The following PHAF1 variants were observed in gnomAD, a reference collection of about 807,000 sequenced individuals.
PHAF1 encodes phagosome assembly factor 1.
Under a neutral mutation model 63.1 loss-of-function variants are expected in PHAF1, and 23 were observed. The ratio of observed to expected loss-of-function variants is 0.36; its 90% CI spans 0.26 to 0.52. PHAF1 has a LOEUF of 0.52. Among genes scored for constraint, PHAF1 ranks in the 20% least tolerant of loss-of-function variants. The pLI is 0.93. For synonymous variants in PHAF1, 167 were observed against 185.0 expected (o/e 0.90, Z 0.79); for missense variants, 427 against 517.2 (o/e 0.83, Z 1.69).
Position 67,144,330 on chromosome 16 carries a change from A to C in PHAF1, c.916A>C (p.Lys306Gln). The change falls in exon 11 of 16, where the codon AAG becomes CAG. Residue 306 changes from lysine to glutamine, a missense_variant. Coordinates refer to ENST00000219139, the MANE Select transcript of PHAF1 (RefSeq NM_025187.5). Reference sequence around the variant, plus strand: ...TGATGCGAATACACACAAAGTGAAGAAGTTTGTTCTACACACCAATTACCC... The same window carrying C: ...TGATGCGAATACACACAAAGTGAAGCAGTTTGTTCTACACACCAATTACCC... ...LFDANTHKVK[K>Q]FVLHTNYPGH... 1 of 1,612,438 alleles carries C rather than the reference A, an allele frequency of 6.2e-7. No homozygotes were observed. The highest frequency in any genetic ancestry group is 8.5e-7 in the Non-Finnish European group (1 of 1,178,466).
intron 8 of PHAF1, chr16:67,136,325 G>C (rs1963605728): frequency 6.6e-6 from 1 of 151,420 alleles, no homozygotes; most frequent in South Asian, 2.1e-4. Flanking sequence ...AAAAAAAAGA[G>C]TGCCACCTTC....
intron 3 of PHAF1, among the ~76,000 whole-genome samples, chr16:67,126,809 C>T (rs1212205893): frequency 1.3e-5 from 2 of 151,030 alleles, no homozygotes. Context: ...AGGCTGTTTT[C>T]GAACTCCTGA....
At chr16:67,138,896 G>A (rs1397419778) in intron 8 of PHAF1, among the ~76,000 whole-genome samples, 1 of 152,056 alleles carries the variant, frequency 6.6e-6, no homozygotes, top group Non-Finnish European at 1.5e-5. Flanking sequence ...AGTGTCTCTG[G>A]TTAGGGGTTA....
At chr16:67,118,279 C>T (rs1254587587) in intron 1 of PHAF1, among the ~76,000 whole-genome samples, 7 of 146,658 alleles carry the variant, frequency 4.8e-5, no homozygotes, top group Non-Finnish European at 1.0e-4. Flanking sequence ...GGCTGCCTAG[C>T]TAATTTTTTT....
rs1962913259 is a variant in PHAF1 at position 67,120,136 on chromosome 16, C to T, written c.89C>T (p.Ala30Val). The stretch of plus-strand genomic sequence containing the variant: ...GGAATGCCTCTGGCTCAGGCAGTAG[C>T]CATTCTTCAGAAGCACTGTCGCATC... ...TLGMPLAQAV[A>V]ILQKHCRIIK... The change falls in exon 2 of 16, where the codon GCC becomes GTC. Residue 30 changes from alanine to valine, a missense_variant. Ala to Val is a moderately conservative substitution (Grantham distance 64, BLOSUM62 0). Transcript: ENST00000219139. 2 of 1,613,972 alleles carry T rather than the reference C, an allele frequency of 1.2e-6. No individual in the cohort carries two copies. Among genetic ancestry groups the T allele is most frequent in the Non-Finnish European group, 1.7e-6 (2 of 1,179,934 alleles).
At chr16:67,116,845 G>C (rs1962751759) in intron 1 of PHAF1, among the ~76,000 whole-genome samples, 1 of 152,072 alleles carries the variant, frequency 6.6e-6, no homozygotes, top group South Asian at 2.1e-4. Flanking sequence ...GTGAGATTGT[G>C]TCTCAAAAAA....
intron 8 of PHAF1, 114 bp downstream of exon 8, chr16:67,134,581 A>G (rs1314233559): frequency 1.1e-6 from 1 of 943,466 alleles, no homozygotes; most frequent in Non-Finnish European, 1.7e-6. Flanking sequence ...ATAATAAAAT[A>G]CCATAAACTG....
intron 6 of PHAF1, 48 bp downstream of exon 6, chr16:67,132,959 G>C: frequency 1.4e-6 from 2 of 1,441,760 alleles, no homozygotes; most frequent in Non-Finnish European, 1.9e-6. Flanking sequence ...TCTGTGGTAT[G>C]GCTCAGCAGA....
Position 67,147,312 on chromosome 16 carries a change from T to C in PHAF1, c.*181T>C, listed in dbSNP as rs1426378471. 1 of 582,080 alleles carries C rather than the reference T, an allele frequency of 1.7e-6. No individual in the cohort carries two copies. The highest frequency in any genetic ancestry group is 4.5e-4 in the Middle Eastern group (1 of 2,234). The allele number at this position is 582,080 out of a possible 1,614,324, so 36.1% of individuals were successfully genotyped here. A position where few individuals can be genotyped will look rare whatever the true frequency, so the allele number is the denominator to read the frequency against. ...CATGGGCTGAGTGGCCCAGATATTC[T>C]TCTGTCCATCTTTGGCCTGCTGGTG... On this transcript the variant is annotated 3_prime_UTR_variant, in exon 16 of 16. Transcript: ENST00000219139.
chr16:67,138,081 T>C (rs780621714), intron 8 of PHAF1, among the ~76,000 whole-genome samples: 1 of 152,090 alleles, frequency 6.6e-6, no homozygotes, highest in East Asian at 1.9e-4. Flanking sequence ...TAGCTGAAAC[T>C]CTTAGTAATT....
chr16:67,133,881 G>A (rs957618397), intron 6 of PHAF1, among the ~76,000 whole-genome samples: 7 of 151,854 alleles, frequency 4.6e-5, no homozygotes, highest in African/African-American at 1.7e-4. Context: ...GGAGGTGGAG[G>A]TTGCAGTGAG....
At chr16:67,145,008 G>C in intron 12 of PHAF1, 131 bp downstream of exon 12, 1 of 1,174,326 alleles carries the variant, frequency 8.5e-7, no homozygotes, top group Non-Finnish European at 1.3e-6. Flanking sequence ...CTCTGGGGTG[G>C]GCTCATTGTT....
chr16:67,139,762 C>T (rs1448739714), intron 8 of PHAF1: 1 of 550,042 alleles, frequency 1.8e-6, no homozygotes. Flanking sequence ...TCCAGAGCTT[C>T]ATGTCACATG....
intron 10 of PHAF1, among the ~76,000 whole-genome samples, chr16:67,142,769 C>T (rs753326457): frequency 3.3e-5 from 5 of 152,214 alleles, no homozygotes; most frequent in African/African-American, 7.2e-5. Flanking sequence ...AGCATGGGCT[C>T]CTGCCCTGCC....
In PHAF1 at chr16:67,134,090, A is replaced by G. The variant is rs1334828335; in HGVS notation, c.451-78A>G. 3.0e-5 allele frequency: 37 copies of G among 1,252,638 alleles called. No individual in the cohort carries two copies. In the South Asian group the frequency reaches 4.2e-4, roughly 14 times the overall value. 77.6% of individuals were successfully genotyped at this position (1,252,638 alleles called of 1,614,324 possible). A position where few individuals can be genotyped will look rare whatever the true frequency, so the allele number is the denominator to read the frequency against. ...TTGACCTGAGCAGCTCTTGAAGACC[A>G]TGAGTGACAGGGAAGACCAGAGCCT... is the stretch of plus-strand genomic sequence containing the variant. On this transcript the variant is annotated intron_variant, in intron 6 of 15. Transcript: ENST00000219139.
Position 67,147,087 on chromosome 16 carries a change from C to A in PHAF1, c.1225C>A (p.Pro409Thr), listed in dbSNP as rs774006050. The part of the protein sequence containing the change: ...NHIASVTLYG[P>T]PRPGSHLRTA... ...CATTGCCTCGGTGACCCTGTATGGC[C>A]CCCCCAGGCCTGGTAGCCACCTGAG... Residue 409 changes from proline to threonine, a missense_variant, in exon 16 of 16, where the codon CCC becomes ACC. Pro to Thr is a conservative substitution (Grantham distance 38). Transcript: ENST00000219139. 3 of 1,614,046 alleles carry A rather than the reference C, an allele frequency of 1.9e-6. No homozygotes were observed. The highest frequency in any genetic ancestry group is 1.1e-5 in the South Asian group (1 of 91,072).
At position 67,147,271 on chromosome 16, in the gene PHAF1, A is replaced by T. The variant is rs1303510748; in HGVS notation, c.*140A>T. ...GTTGTGATGTTCTGAGGTTGGGCTC[A>T]GGCTGGGTGCTCTGCCATGGGCTGA... On this transcript the variant is annotated 3_prime_UTR_variant, in exon 16 of 16. Transcript: ENST00000219139. 1 of 786,276 alleles carries T rather than the reference A, an allele frequency of 1.3e-6. No individual in the cohort carries two copies. The highest frequency in any genetic ancestry group is 1.7e-5 in the African/African-American group (1 of 57,724). The allele number at this position is 786,276 out of a possible 1,614,324, so 48.7% of individuals were successfully genotyped here. A position where few individuals can be genotyped will look rare whatever the true frequency, so the allele number is the denominator to read the frequency against.
chr16:67,145,544 C>G, intron 13 of PHAF1, 26 bp from the exon 14 acceptor site: 1 of 1,613,988 alleles, frequency 6.2e-7, no homozygotes, highest in Non-Finnish European at 8.5e-7. Flanking sequence ...CCTACTAACC[C>G]CTGCTCCCCT....
chr16:67,134,441 G>C lies in PHAF1; in HGVS notation c.635G>C (p.Gly212Ala). 6.2e-7 allele frequency: 1 copy of C among 1,613,844 alleles called. No homozygotes were observed. The highest frequency in any genetic ancestry group is 8.5e-7 in the Non-Finnish European group (1 of 1,179,736). The change falls in exon 8 of 16, where the codon GGT (glycine) becomes GCT (alanine). Residue 212 changes from glycine to alanine, a missense_variant. By Grantham distance (60) the Gly-to-Ala change is moderately conservative. Coordinates refer to ENST00000219139, the MANE Select transcript of PHAF1 (RefSeq NM_025187.5). ...CTTCGAGATGGAACTGGACCTGCAG[G>C]TTTACGACTTCGCCTACTTGCTGCA... The part of the protein sequence containing the change: ...DVLRDGTGPA[G>A]LRLRLLAAGC...
Sources: allele counts gnomAD v4.1 joint callset (sites outside exome capture counted in the v4.1 genomes callset), GRCh38; gene constraint gnomAD v4.1.1; transcripts MANE v1.5; gene names NCBI Gene and HGNC (gene_info 2026-07-23, HGNC 2026-07-21).